ZFAND6: variants seen among roughly 807,000 people sequenced by gnomAD.
The protein encoded by ZFAND6 is AN1-type zinc finger protein 6.
Under a neutral mutation model 24.5 loss-of-function variants are expected in ZFAND6, and 12 were observed. The observed-to-expected ratio is 0.49, with a 90% confidence interval of 0.31 to 0.79. The LOEUF (loss-of-function observed/expected upper bound fraction) is 0.79. ZFAND6 is among the 30% of genes least tolerant of loss of function. ZFAND6 has a pLI of 0.04. For missense variants in ZFAND6, 207 were observed against 245.9 expected, an observed-to-expected ratio of 0.84 and a Z score of 1.06; for synonymous variants, 92 against 81.5, an observed-to-expected ratio of 1.13 and a Z score of -0.69.
intron 2 of ZFAND6, chr15:80,112,781 G>T (rs781623900): frequency 2.2e-6 from 1 of 456,058 alleles, no homozygotes; most frequent in South Asian, 1.5e-5. Flanking sequence ...GATAGTTGGA[G>T]ATCCAAAGGC....
intron 4 of ZFAND6, among the ~76,000 whole-genome samples, 182 bp downstream of exon 4, chr15:80,122,002 G>C (rs1011364845): frequency 6.6e-6 from 1 of 152,098 alleles, no homozygotes; most frequent in Non-Finnish European, 1.5e-5. Flanking sequence ...GGGATCGGGG[G>C]TTATCGTTTA....
At chr15:80,094,284 G>A (rs1206973036) in intron 1 of ZFAND6, among the ~76,000 whole-genome samples, 2 of 152,210 alleles carry the variant, frequency 1.3e-5, no homozygotes, top group Non-Finnish European at 2.9e-5. Context: ...AGGGGAGCGC[G>A]TGGGAGCTGG....
At chr15:80,062,844 A>T (rs567407760) in intron 1 of ZFAND6, among the ~76,000 whole-genome samples, 2 of 152,296 alleles carry the variant, frequency 1.3e-5, no homozygotes, top group East Asian at 1.9e-4. Context: ...CCTGGTCTTT[A>T]TGTGTGTATT....
intron 1 of ZFAND6, among the ~76,000 whole-genome samples, chr15:80,082,969 A>G (rs2037764241): frequency 6.6e-6 from 1 of 152,144 alleles, no homozygotes; most frequent in African/African-American, 2.4e-5. Context: ...TATGTATCCT[A>G]TACATATATA....
intron 6 of ZFAND6, among the ~76,000 whole-genome samples, chr15:80,134,640 A>G (rs2040773911): frequency 6.6e-6 from 1 of 152,232 alleles, no homozygotes; most frequent in Admixed American, 6.5e-5. Context: ...GAGATTGTGG[A>G]TATGGCAAGA....
At chr15:80,118,368 G>T (rs1258257294) in intron 2 of ZFAND6, among the ~76,000 whole-genome samples, 3 of 151,904 alleles carry the variant, frequency 2.0e-5, no homozygotes, top group Admixed American at 1.3e-4. Flanking sequence ...GTGAGCCACC[G>T]TGCCCGGCCT....
intron 1 of ZFAND6, among the ~76,000 whole-genome samples, chr15:80,081,812 A>G (rs2037686553): frequency 6.6e-6 from 1 of 152,238 alleles, no homozygotes; most frequent in Non-Finnish European, 1.5e-5. Context: ...GCCAGACTTA[A>G]TTTAGTTTAA....
At chr15:80,087,020 ACTCTC>A (rs1158734928) in intron 1 of ZFAND6, among the ~76,000 whole-genome samples, 1 of 152,102 alleles carries the variant, frequency 6.6e-6, no homozygotes, top group Non-Finnish European at 1.5e-5. Context: ...GTGGAATAAT[ACTCTC>A]TATATATACA....
intron 1 of ZFAND6, among the ~76,000 whole-genome samples, chr15:80,077,472 AC>A (rs1457320865): frequency 2.0e-5 from 3 of 152,142 alleles, no homozygotes; most frequent in African/African-American, 7.2e-5. Context: ...CCTCTATTGG[AC>A]CAAAAAAAGA....
At chr15:80,113,615 T>TTA (rs1205578966) in intron 2 of ZFAND6, among the ~76,000 whole-genome samples, 1 of 152,188 alleles carries the variant, frequency 6.6e-6, no homozygotes, top group Non-Finnish European at 1.5e-5. Flanking sequence ...GTGTGAAACA[T>TTA]TCTACATCAG....
chr15:80,120,351 C>A lies in ZFAND6; in HGVS notation c.7C>A (p.Gln3Lys). ...AGGTGTGCAACTGAGGAACATGGCT[C>A]AAGAAACTAATCACAGCCAAGTGCC... is the stretch of plus-strand genomic sequence containing the variant. MA[Q>K]ETNHSQVPML... Residue 3 changes from glutamine (Q) to lysine (K), a missense_variant, in exon 3 of 7, where the codon CAA becomes AAA. Gln to Lys is a moderately conservative substitution (Grantham distance 53). Transcript: ENST00000261749. 1 of 1,571,062 alleles carries A rather than the reference C, an allele frequency of 6.4e-7. No homozygotes were observed. The highest frequency in any genetic ancestry group is 1.2e-5 in the South Asian group (1 of 84,394).
intron 2 of ZFAND6, among the ~76,000 whole-genome samples, chr15:80,112,108 G>C (rs2039638427): frequency 6.6e-6 from 1 of 152,046 alleles, no homozygotes; most frequent in Non-Finnish European, 1.5e-5. Context: ...TAAAAATAAA[G>C]AATTAGCTGG....
intron 2 of ZFAND6, among the ~76,000 whole-genome samples, chr15:80,118,122 T>TTTTA (rs2039974724): frequency 6.6e-6 from 1 of 151,996 alleles, no homozygotes; most frequent in African/African-American, 2.4e-5. Context: ...CCATCACTTA[T>TTTTA]TTTATTTATT....
At chr15:80,105,761 C>T (rs1432254664) in intron 2 of ZFAND6, among the ~76,000 whole-genome samples, 2 of 152,092 alleles carry the variant, frequency 1.3e-5, no homozygotes, top group Non-Finnish European at 1.5e-5. Flanking sequence ...AGTTGTTTTG[C>T]AGTGATTTGT....
intron 1 of ZFAND6, among the ~76,000 whole-genome samples, chr15:80,079,260 G>A (rs919154375): frequency 1.3e-5 from 2 of 151,540 alleles, no homozygotes; most frequent in Non-Finnish European, 2.9e-5. Context: ...TCGCTCTGTC[G>A]CCCAGGCTGG....
At position 80,122,711 on chromosome 15, in the gene ZFAND6, A is replaced by G; in HGVS notation, c.275A>G (p.Asn92Ser). The G allele has an allele frequency of 1.2e-6, 2 of 1,613,356 alleles. No homozygotes were observed. The highest frequency in any genetic ancestry group is 1.7e-6 in the Non-Finnish European group (2 of 1,179,602). The stretch of plus-strand genomic sequence containing the variant: ...TTTTGCTTTTCTAGCCCTGTATCAA[A>G]TCAGTCACTTTTATCAGAATCTGTA... ...SSSMQPSPVS[N>S]QSLLSESVAS... The change falls in exon 5 of 7, where the codon AAT (asparagine) becomes AGT (serine). Residue 92 changes from asparagine to serine, a missense_variant. Around this residue, in one of 3 missense-constraint regions of ZFAND6, gnomAD observed 133 missense variants for 122.8 expected, o/e 1.08. Coordinates refer to ENST00000261749, the MANE Select transcript of ZFAND6 (RefSeq NM_019006.4).
chr15:80,072,606 A>G (rs937522827), intron 1 of ZFAND6: 2 of 152,072 alleles, frequency 1.3e-5, no homozygotes, highest in Admixed American at 1.3e-4. Context: ...AAGTGAAGTT[A>G]ATCTGAGGTG....
intron 1 of ZFAND6, among the ~76,000 whole-genome samples, chr15:80,093,201 G>A (rs1055206946): frequency 1.4e-4 from 21 of 151,636 alleles, no homozygotes; most frequent in African/African-American, 4.6e-4. Context: ...TCCTGACCTC[G>A]TGATCCGCCT....
At chr15:80,059,559 C>T (rs1406633471), upstream of ZFAND6, 2 of 152,086 alleles carry the variant, frequency 1.3e-5, no homozygotes, top group Non-Finnish European at 2.9e-5. Context: ...CGGCCCCGCC[C>T]GCGCCGGTAA....
Sources: allele counts gnomAD v4.1 joint callset (sites outside exome capture counted in the v4.1 genomes callset), GRCh38; gene constraint gnomAD v4.1.1; regional missense constraint gnomAD v4.1.1; transcripts MANE v1.5; gene names NCBI Gene and HGNC (gene_info 2026-07-23, HGNC 2026-07-21).